KIAA0825: variants seen among roughly 807,000 people sequenced by gnomAD.
KIAA0825 encodes the protein uncharacterized protein KIAA0825.
KIAA0825 carries 119 observed loss-of-function variants against 147.6 expected under a neutral mutation model. That is an observed-to-expected ratio of 0.81 (90% CI 0.69 to 0.94). The LOEUF (loss-of-function observed/expected upper bound fraction) is 0.94, where lower values mean the gene tolerates loss of function less well. Among genes scored for constraint, KIAA0825 ranks in the 40% least tolerant of loss-of-function variants. KIAA0825 has a pLI of 0.00. For synonymous variants in KIAA0825, 470 were observed against 518.1 expected, an observed-to-expected ratio of 0.91 and a Z score of 1.26; for missense variants, 1,381 against 1,472.7, an observed-to-expected ratio of 0.94 and a Z score of 1.02.
chr5:94,223,654 A>G (rs1170731775), intron 20 of KIAA0825, among the ~76,000 whole-genome samples: 1 of 152,222 alleles, frequency 6.6e-6, no homozygotes, highest in Non-Finnish European at 1.5e-5. Flanking sequence ...AAATCTATCG[A>G]AGGCTGTTCT....
intron 20 of KIAA0825, among the ~76,000 whole-genome samples, chr5:94,222,723 TA>T (rs1173495074): frequency 6.6e-6 from 1 of 152,218 alleles, no homozygotes; most frequent in Non-Finnish European, 1.5e-5. Context: ...AATTTATTTT[TA>T]TATATGATGG....
At position 94,478,451 on chromosome 5, in the gene KIAA0825, T is replaced by TCTCACACA. The variant is rs1554289711; in HGVS notation, c.1133-1247_1133-1246insTGTGTGAG. 1.7e-3 allele frequency among the ~76,000 whole-genome samples: 245 copies of TCTCACACA among 146,250 alleles called. 1 individual carries two copies. Among genetic ancestry groups the TCTCACACA allele is most frequent in the African/African-American group, 5.8e-3 (230 of 39,550 alleles). On this transcript the variant is annotated intron_variant, in intron 6 of 20. Coordinates refer to ENST00000682413, the MANE Select transcript of KIAA0825 (RefSeq NM_001145678.3). ...TGACTGTATGGCAGGCACATGTGCA[T>TCTCACACA]CACACACACACACACACACACACAC...
intron 20 of KIAA0825, among the ~76,000 whole-genome samples, chr5:94,355,885 G>T (rs1420253621): frequency 6.6e-6 from 1 of 152,186 alleles, no homozygotes; most frequent in African/African-American, 2.4e-5. Context: ...TATTTGCTGG[G>T]ATGAGATTTA....
intron 16 of KIAA0825, among the ~76,000 whole-genome samples, chr5:94,397,512 CA>C (rs1750824967): frequency 2.0e-5 from 3 of 152,134 alleles, no homozygotes; most frequent in Admixed American, 2.0e-4. Flanking sequence ...AAATGATTCT[CA>C]AGTTGTCATG....
At chr5:94,612,834 G>A (rs1789255080) in intron 1 of KIAA0825, among the ~76,000 whole-genome samples, 1 of 152,150 alleles carries the variant, frequency 6.6e-6, no homozygotes, top group Non-Finnish European at 1.5e-5. Flanking sequence ...TAGAGCCACA[G>A]ACCCTAATTT....
chr5:94,612,032 C>T (rs1561395669), intron 1 of KIAA0825: 1 of 152,104 alleles, frequency 6.6e-6, no homozygotes, highest in African/African-American at 2.4e-5. Context: ...TGTTTAACCA[C>T]ATGATGCCAA....
intron 20 of KIAA0825, among the ~76,000 whole-genome samples, chr5:94,277,931 T>C (rs1777291862): frequency 6.6e-6 from 1 of 152,020 alleles, no homozygotes; most frequent in African/African-American, 2.4e-5. Context: ...TACTATGCAG[T>C]CATAAAAAGG....
intron 20 of KIAA0825, among the ~76,000 whole-genome samples, chr5:94,339,094 A>T (rs896312326): frequency 6.6e-6 from 1 of 152,048 alleles, no homozygotes; most frequent in African/African-American, 2.4e-5. Context: ...TACATACCAA[A>T]ATTGAACTTG....
intron 2 of KIAA0825, among the ~76,000 whole-genome samples, chr5:94,557,399 G>C (rs1037775343): frequency 1.3e-4 from 19 of 151,564 alleles, no homozygotes; most frequent in Admixed American, 4.6e-4. Context: ...ACCATGCAAG[G>C]CTCCTTTCTT....
At chr5:94,593,309 A>T (rs1784673141) in intron 1 of KIAA0825, 1 of 796,134 alleles carries the variant, frequency 1.3e-6, no homozygotes, top group Admixed American at 1.7e-5. Flanking sequence ...GATATTGTCC[A>T]TAGGAACTTG....
chr5:94,492,714 A>G (rs535002725), intron 5 of KIAA0825, among the ~76,000 whole-genome samples: 6 of 152,328 alleles, frequency 3.9e-5, no homozygotes, highest in African/African-American at 1.2e-4. Context: ...CATTGTAAAC[A>G]TGCTTCTTTT....
intron 20 of KIAA0825, among the ~76,000 whole-genome samples, chr5:94,293,360 C>T (rs988633451): frequency 2.0e-4 from 31 of 152,216 alleles, no homozygotes; most frequent in East Asian, 3.9e-4. Context: ...GCCTTAATTT[C>T]GTTATTTACT....
In KIAA0825 at chr5:94,492,600, A is replaced by G. The variant is rs976250591; in HGVS notation, c.971-7670T>C. Among the ~76,000 whole-genome samples, 10 of 152,242 alleles carry G rather than the reference A, an allele frequency of 6.6e-5. No individual in the cohort carries two copies. In the East Asian group the frequency reaches 1.2e-3, roughly 18 times the overall value. ...ATTCCCATTATCCATCACAGTGCCT[A>G]TATGAATGAATGGCTTCAAAATGGT... On this transcript the variant is annotated intron_variant, in intron 5 of 20. Transcript: ENST00000682413.
chr5:94,337,828 T>C (rs568212276), intron 20 of KIAA0825, among the ~76,000 whole-genome samples: 1 of 152,278 alleles, frequency 6.6e-6, no homozygotes, highest in Middle Eastern at 3.4e-3. Flanking sequence ...GTAGGCCAGA[T>C]TTCAGGTTGA....
At chr5:94,548,561 C>T (rs374036193) in intron 2 of KIAA0825, among the ~76,000 whole-genome samples, 2 of 152,266 alleles carry the variant, frequency 1.3e-5, no homozygotes, top group South Asian at 4.1e-4. Flanking sequence ...TAAGTCCTTA[C>T]TTATCAATAA....
At chr5:94,356,959 G>A (rs758600688) in intron 20 of KIAA0825, among the ~76,000 whole-genome samples, 7 of 151,856 alleles carry the variant, frequency 4.6e-5, no homozygotes, top group Non-Finnish European at 8.8e-5. Context: ...TCCTGACCTC[G>A]TGATCCACCA....
At chr5:94,453,409 A>G (rs1584535387) in intron 12 of KIAA0825, among the ~76,000 whole-genome samples, 1 of 149,120 alleles carries the variant, frequency 6.7e-6, no homozygotes, top group Non-Finnish European at 1.5e-5. Flanking sequence ...CTGGTCTCGA[A>G]CCCCTGAACT....
intron 1 of KIAA0825, among the ~76,000 whole-genome samples, chr5:94,595,340 T>C (rs1561370537): frequency 2.6e-5 from 4 of 152,220 alleles, no homozygotes; most frequent in Admixed American, 2.0e-4. Flanking sequence ...CACAGGCTGA[T>C]AACCATGTGT....
In KIAA0825 at chr5:94,503,072, A is replaced by T. The variant is rs559481900; in HGVS notation, c.970+17176T>A. 5.4e-5 allele frequency among the ~76,000 whole-genome samples: 8 copies of T among 148,540 alleles called. No homozygotes were observed. The East Asian group carries it at 1.6e-3, about 29-fold the overall frequency. ...TGCAGTGAGACTCCATCTCAAAAAAAAATATATATATATATGATATATATA... is the reference window on the plus strand; with the variant it reads ...TGCAGTGAGACTCCATCTCAAAAAATAATATATATATATATGATATATATA... On this transcript the variant is annotated intron_variant, in intron 5 of 20. Coordinates refer to ENST00000682413, the MANE Select transcript of KIAA0825 (RefSeq NM_001145678.3).
Sources: gnomAD v4.1 joint callset for allele counts (sites outside exome capture counted in the v4.1 genomes callset) on GRCh38, gnomAD v4.1.1 for gene constraint, MANE v1.5 for transcripts, NCBI Gene and HGNC (gene_info 2026-07-23, HGNC 2026-07-21) for gene names.